The following RGS8 variants were observed in gnomAD, a reference collection of about 807,000 sequenced individuals.
RGS8 encodes regulator of G-protein signaling 8.
A neutral mutation model predicts 21.7 loss-of-function variants in RGS8; 8 were observed. The ratio of observed to expected loss-of-function variants is 0.37; its 90% CI spans 0.22 to 0.66. The LOEUF is 0.66. Among genes scored for constraint, RGS8 ranks in the 30% least tolerant of loss-of-function variants. The probability of loss-of-function intolerance (pLI) is 0.59; values close to 1 mark genes in which losing one functional copy is unlikely to be tolerated. For synonymous variants in RGS8, 80 were observed against 83.6 expected (o/e 0.96, Z 0.24); for missense variants, 157 against 217.9 (o/e 0.72, Z 1.76).
the RGS8 span, among the ~76,000 whole-genome samples, chr1:182,715,651 C>A: frequency 6.6e-6 from 1 of 152,170 alleles, no homozygotes; most frequent in Non-Finnish European, 1.5e-5. Context: ...AATATTGATG[C>A]TGCTCGTCTT....
chr1:182,652,609 A>G (rs1447249749), intron 5 of RGS8, among the ~76,000 whole-genome samples: 2 of 152,274 alleles, frequency 1.3e-5, no homozygotes, highest in African/African-American at 4.8e-5. Context: ...TTCACTTGTT[A>G]TGTGACTCAG....
the RGS8 span, among the ~76,000 whole-genome samples, chr1:182,709,615 G>A: frequency 4.6e-5 from 7 of 152,080 alleles, no homozygotes; most frequent in Non-Finnish European, 8.8e-5. Flanking sequence ...ATTGCCACTG[G>A]GTGATACTAT....
At chr1:182,721,012 TATACACATATATATGTGTGTATATATAC>T in the RGS8 span, among the ~76,000 whole-genome samples, 2 of 107,228 alleles carry the variant, frequency 1.9e-5, no homozygotes, top group Non-Finnish European at 3.8e-5. Flanking sequence ...TATATACATA[TATACACATATATATGTGTGTATATATAC>T]ATATACATAC....
the RGS8 span, among the ~76,000 whole-genome samples, chr1:182,695,236 T>C: frequency 6.6e-6 from 1 of 152,202 alleles, no homozygotes; most frequent in Non-Finnish European, 1.5e-5. Flanking sequence ...TCATATTGAC[T>C]CTGGAAACCT....
In RGS8 at chr1:182,671,680, C is replaced by A; in HGVS notation, c.-127G>T. The A allele has an allele frequency of 6.2e-7, 1 of 1,614,142 alleles. No homozygotes were observed. The highest frequency in any genetic ancestry group is 8.5e-7 in the Non-Finnish European group (1 of 1,180,010). On this transcript the variant is annotated 5_prime_UTR_variant, in exon 2 of 7. In the 5' UTR this introduces an upstream ATG that the reference lacks. Transcript: ENST00000483095. Reference sequence around the variant, plus strand: ...ACTGTCTTTGGCCAGTCCTCATGGCCTGAGGGTCTTTGCCAACTGGATGGT... The same window carrying A: ...ACTGTCTTTGGCCAGTCCTCATGGCATGAGGGTCTTTGCCAACTGGATGGT...
intron 5 of RGS8, among the ~76,000 whole-genome samples, chr1:182,649,846 C>T (rs1287975): frequency 0.099 from 14,943 of 151,642 alleles, 1,551 homozygotes; most frequent in African/African-American, 0.26. Context: ...TAAAAGACCC[C>T]GGCAATAATC....
At chr1:182,749,805 G>A in the RGS8 span, among the ~76,000 whole-genome samples, 1 of 152,118 alleles carries the variant, frequency 6.6e-6, no homozygotes, top group Admixed American at 6.6e-5. Flanking sequence ...TGCCATGGTG[G>A]TTTGCTGCAC....
upstream of RGS8, among the ~76,000 whole-genome samples, chr1:182,674,661 C>G (rs932474644): frequency 6.6e-6 from 1 of 152,106 alleles, no homozygotes; most frequent in Admixed American, 6.5e-5. Context: ...CGTCTTCTTT[C>G]CTGAAACAAA....
the RGS8 span, among the ~76,000 whole-genome samples, chr1:182,705,661 T>C: frequency 1.3e-5 from 2 of 148,788 alleles, no homozygotes; most frequent in African/African-American, 2.5e-5. Flanking sequence ...ATCTGCATCA[T>C]CTACAAGCAA....
At chr1:182,657,513 C>T (rs894703363) in intron 5 of RGS8, among the ~76,000 whole-genome samples, 5 of 152,138 alleles carry the variant, frequency 3.3e-5, no homozygotes, top group African/African-American at 1.2e-4. Flanking sequence ...GACCCTGCTC[C>T]CTCCCCAAGC....
At chr1:182,716,505 A>G in the RGS8 span, among the ~76,000 whole-genome samples, 32 of 151,466 alleles carry the variant, frequency 2.1e-4, no homozygotes, top group African/African-American at 7.7e-4. Flanking sequence ...TTCATCCACA[A>G]TTGGTTGAAT....
At chr1:182,697,995 T>TA in the RGS8 span, among the ~76,000 whole-genome samples, 8 of 152,294 alleles carry the variant, frequency 5.3e-5, no homozygotes, top group South Asian at 1.7e-3. Flanking sequence ...TTCAGGGACT[T>TA]AGAGGGAATA....
At chr1:182,672,440 C>T (rs905875360), upstream of RGS8, among the ~76,000 whole-genome samples, 1 of 152,122 alleles carries the variant, frequency 6.6e-6, no homozygotes, top group East Asian at 1.9e-4. Context: ...GCTGCACTAC[C>T]AAGCCAAACC....
chr1:182,643,660 C>T (rs559783723), downstream of RGS8: 1 of 152,296 alleles, frequency 6.6e-6, no homozygotes, highest in Admixed American at 6.5e-5. Flanking sequence ...TGGGAATTAG[C>T]ACGTGTCACA....
At chr1:182,679,526 C>G (rs554711302) in intron 1 of RGS8, among the ~76,000 whole-genome samples, 43 of 151,868 alleles carry the variant, frequency 2.8e-4, no homozygotes, top group Non-Finnish European at 4.3e-4. Flanking sequence ...TCTTAGCTTC[C>G]TGCCTCTCTC....
chr1:182,739,280 G>A, the RGS8 span, among the ~76,000 whole-genome samples: 3 of 152,182 alleles, frequency 2.0e-5, no homozygotes, highest in Non-Finnish European at 2.9e-5. Context: ...TAACGTGAGA[G>A]AAAAAGAACC....
intron 1 of RGS8, among the ~76,000 whole-genome samples, chr1:182,681,394 C>A (rs1367525050): frequency 1.3e-5 from 2 of 152,212 alleles, no homozygotes; most frequent in Non-Finnish European, 2.9e-5. Flanking sequence ...CAGAGAGCAG[C>A]TTCAGCACTC....
upstream of RGS8, among the ~76,000 whole-genome samples, chr1:182,689,272 C>G (rs541093579): frequency 0.017 from 2,204 of 129,666 alleles, 52 homozygotes; most frequent in African/African-American, 0.07. Context: ...CAGACACACA[C>G]ACACACACAC....
At chr1:182,652,416 T>G (rs995686393) in intron 5 of RGS8, among the ~76,000 whole-genome samples, 1 of 152,230 alleles carries the variant, frequency 6.6e-6, no homozygotes, top group Non-Finnish European at 1.5e-5. Context: ...TGAGTAGAGA[T>G]AACTTCTGCA....
Sources: gnomAD v4.1 joint callset for allele counts (sites outside exome capture counted in the v4.1 genomes callset) on GRCh38, gnomAD v4.1.1 for gene constraint, MANE v1.5 for transcripts, NCBI Gene and HGNC (gene_info 2026-07-23, HGNC 2026-07-21) for gene names.